Variants in ERBB4 observed in about 807,000 individuals in gnomAD.
ERBB4 encodes receptor tyrosine-protein kinase erbB-4.
Under a neutral mutation model 158.0 loss-of-function variants are expected in ERBB4, and 42 were observed. That is an observed-to-expected ratio of 0.27 (90% CI 0.21 to 0.34). ERBB4 has a LOEUF of 0.34. Among genes scored for constraint, ERBB4 ranks in the 10% least tolerant of loss-of-function variants. The probability of loss-of-function intolerance (pLI) is 1.00; values close to 1 mark genes in which losing one functional copy is unlikely to be tolerated. For synonymous variants in ERBB4, 583 were observed against 558.7 expected, an observed-to-expected ratio of 1.04 and a Z score of -0.61; for missense variants, 1,333 against 1,624.1, an observed-to-expected ratio of 0.82 and a Z score of 3.08.
intron 1 of ERBB4, among the ~76,000 whole-genome samples, chr2:212,432,866 G>C (rs2092058961): frequency 6.6e-6 from 1 of 152,064 alleles, no homozygotes; most frequent in African/African-American, 2.4e-5. Context: ...GAGTTATTCA[G>C]ATGGTCGGTG....
chr2:211,755,781 C>T (rs554422522), intron 4 of ERBB4, among the ~76,000 whole-genome samples: 1 of 152,076 alleles, frequency 6.6e-6, no homozygotes, highest in African/African-American at 2.4e-5. Context: ...TGTGTGACCA[C>T]CTGCATGTGG....
chr2:212,527,698 ATTTATTTAT>A, intron 1 of ERBB4, among the ~76,000 whole-genome samples: 1 of 150,672 alleles, frequency 6.6e-6, no homozygotes, highest in Non-Finnish European at 1.5e-5. Flanking sequence ...TCTTTTATTT[ATTTATTTAT>A]TTATTTATTA....
At chr2:212,057,324 A>C (rs757062964) in intron 2 of ERBB4, among the ~76,000 whole-genome samples, 40 of 152,180 alleles carry the variant, frequency 2.6e-4, no homozygotes, top group Non-Finnish European at 5.1e-4. Context: ...CCCACACAAT[A>C]ATAATGGGAG....
intron 20 of ERBB4, among the ~76,000 whole-genome samples, chr2:211,477,192 TG>T (rs2064975670): frequency 6.6e-6 from 1 of 152,104 alleles, no homozygotes; most frequent in Non-Finnish European, 1.5e-5. Context: ...GCAGGCTGCC[TG>T]TGGACTTGAA....
intron 1 of ERBB4, among the ~76,000 whole-genome samples, chr2:212,409,957 A>G (rs1247764733): frequency 6.6e-6 from 1 of 152,062 alleles, no homozygotes; most frequent in Non-Finnish European, 1.5e-5. Flanking sequence ...TATTAACATA[A>G]ACTCTGAAAT....
chr2:211,703,176 T>A lies in ERBB4; in HGVS notation c.1289+928A>T, dbSNP rs115492900. On this transcript the variant is annotated intron_variant, in intron 11 of 27. Coordinates refer to ENST00000342788, the MANE Select transcript of ERBB4 (RefSeq NM_005235.3). ...AATGATAAAGACTAAGATGTAACTCTTTCTCTCAAATTTTGTCCCCATCAT... is the reference window on the plus strand; with the variant it reads ...AATGATAAAGACTAAGATGTAACTCATTCTCTCAAATTTTGTCCCCATCAT... Among the ~76,000 whole-genome samples, 413 of 152,208 alleles carry A rather than the reference T, an allele frequency of 2.7e-3. 2 individuals are homozygous for A. The highest frequency in any genetic ancestry group is 9.4e-3 in the African/African-American group (390 of 41,548).
intron 2 of ERBB4, among the ~76,000 whole-genome samples, chr2:212,057,291 A>T (rs1175763644): frequency 1.3e-5 from 2 of 152,186 alleles, no homozygotes; most frequent in Non-Finnish European, 2.9e-5. Flanking sequence ...AAGTCCTTAC[A>T]GACCTAGAAA....
intron 1 of ERBB4, among the ~76,000 whole-genome samples, chr2:212,373,400 C>G (rs2090153089): frequency 1.3e-5 from 2 of 151,874 alleles, no homozygotes. Context: ...TTTTAGGAGC[C>G]ATTTTTGCAG....
chr2:211,451,693 G>A (rs775085539), intron 20 of ERBB4, among the ~76,000 whole-genome samples: 1 of 152,148 alleles, frequency 6.6e-6, no homozygotes, highest in Non-Finnish European at 1.5e-5. Flanking sequence ...CAAGGTCAAG[G>A]TAAATGCAAC....
intron 1 of ERBB4, among the ~76,000 whole-genome samples, chr2:212,387,217 A>G (rs527689615): frequency 6.6e-6 from 1 of 152,168 alleles, no homozygotes; most frequent in African/African-American, 2.4e-5. Context: ...ATAATATCTT[A>G]TTTTCTGGAT....
chr2:211,783,441 G>A (rs2076082660), intron 4 of ERBB4, among the ~76,000 whole-genome samples: 1 of 152,212 alleles, frequency 6.6e-6, no homozygotes, highest in Admixed American at 6.5e-5. Flanking sequence ...TCCCTGTCTT[G>A]TGCCAGTTTT....
At chr2:211,483,353 C>T (rs1192639626) in intron 20 of ERBB4, among the ~76,000 whole-genome samples, 1 of 151,902 alleles carries the variant, frequency 6.6e-6, no homozygotes, top group Non-Finnish European at 1.5e-5. Context: ...ATCCAAGTAA[C>T]ATAATGAGCC....
intron 1 of ERBB4, among the ~76,000 whole-genome samples, chr2:212,496,259 T>C (rs1391834232): frequency 6.6e-6 from 1 of 150,856 alleles, no homozygotes; most frequent in African/African-American, 2.5e-5. Context: ...AGACAAAGTA[T>C]ATCGATTGTT....
chr2:212,172,961 G>A (rs2081563937), intron 1 of ERBB4, among the ~76,000 whole-genome samples: 1 of 151,952 alleles, frequency 6.6e-6, no homozygotes, highest in Non-Finnish European at 1.5e-5. Flanking sequence ...TAAAAACAAT[G>A]GAAATGTAAA....
chr2:212,511,856 T>C lies in ERBB4; in HGVS notation c.82+26593A>G, dbSNP rs577819007. Among the ~76,000 whole-genome samples, 10 of 150,248 alleles carry C rather than the reference T, an allele frequency of 6.7e-5. No homozygotes were observed. The South Asian group carries it at 1.0e-3, about 16-fold the overall frequency. Reference sequence around the variant, plus strand: ...TCGACAATGTCATGAAGAATCCATTTTGCCTTTTTGGGGATGGCATTCGTG... The same window carrying C: ...TCGACAATGTCATGAAGAATCCATTCTGCCTTTTTGGGGATGGCATTCGTG... On this transcript the variant is annotated intron_variant, in intron 1 of 27. Coordinates refer to ENST00000342788, the MANE Select transcript of ERBB4 (RefSeq NM_005235.3).
chr2:211,982,319 A>G (rs1362896548), intron 2 of ERBB4, among the ~76,000 whole-genome samples: 1 of 152,168 alleles, frequency 6.6e-6, no homozygotes, highest in Admixed American at 6.5e-5. Context: ...GGAAGTTCTA[A>G]GTGAGTCAGT....
chr2:212,298,744 A>G (rs138117096), intron 1 of ERBB4, among the ~76,000 whole-genome samples: 1 of 151,874 alleles, frequency 6.6e-6, no homozygotes, highest in African/African-American at 2.4e-5. Flanking sequence ...TGCCTCCACA[A>G]GATACAATGA....
chr2:211,925,530 C>T (rs989172818), intron 3 of ERBB4, among the ~76,000 whole-genome samples: 3 of 151,686 alleles, frequency 2.0e-5, no homozygotes, highest in South Asian at 4.2e-4. Flanking sequence ...TACAGGCACC[C>T]GCCACACCTG....
chr2:211,424,408 C>CCAAT (rs1446024570), intron 22 of ERBB4, 107 bp from the exon 23 acceptor site: 8 of 722,710 alleles, frequency 1.1e-5, no homozygotes, highest in Admixed American at 2.8e-5. Context: ...AATCCAAACA[C>CCAAT]CAATCAATTA....
Sources: allele counts gnomAD v4.1 joint callset (sites outside exome capture counted in the v4.1 genomes callset), GRCh38; gene constraint gnomAD v4.1.1; transcripts MANE v1.5; gene names NCBI Gene and HGNC (gene_info 2026-07-23, HGNC 2026-07-21).